Variants in CNTLN observed in about 807,000 individuals in gnomAD.
CNTLN encodes centlein, centrosomal protein.
CNTLN carries 212 observed loss-of-function variants against 180.0 expected under a neutral mutation model. That is an observed-to-expected ratio of 1.18 (90% confidence interval 1.05 to 1.32). The LOEUF (loss-of-function observed/expected upper bound fraction) is 1.32, where lower values mean the gene tolerates loss of function less well. Among genes scored for constraint, CNTLN ranks in the 40% most tolerant of loss-of-function variants. The pLI is 0.00. For missense variants in CNTLN, 2,095 were observed against 1,610.9 expected (o/e 1.30, Z -5.14); for synonymous variants, 722 against 563.1 (o/e 1.28, Z -3.99).
rs1828372950 is a variant in CNTLN at position 17,277,300 on chromosome 9, T to C, written c.983+3434T>C. Among the ~76,000 whole-genome samples the C allele has an allele frequency of 5.3e-5, 8 of 152,036 alleles. 1 individual carries two copies. The highest frequency in any genetic ancestry group is 5.2e-4 in the Admixed American group (8 of 15,250). ...GGGTAGAACCATTACCTAATGGTTC[T>C]ACAATTGAGATGAGAATTTTTGTTA... On this transcript the variant is annotated intron_variant, in intron 6 of 25. Coordinates refer to ENST00000380647, the MANE Select transcript of CNTLN (RefSeq NM_017738.4).
intron 2 of CNTLN, among the ~76,000 whole-genome samples, chr9:17,152,436 G>C (rs1170681191): frequency 1.3e-5 from 2 of 152,160 alleles, no homozygotes; most frequent in Non-Finnish European, 2.9e-5. Flanking sequence ...TCATTCAGGA[G>C]CAGGTTGTTC....
At chr9:17,470,916 G>A (rs1371250977) in intron 23 of CNTLN, among the ~76,000 whole-genome samples, 1 of 151,978 alleles carries the variant, frequency 6.6e-6, no homozygotes, top group East Asian at 1.9e-4. Flanking sequence ...GAATACATTT[G>A]TGGAGCATTA....
chr9:17,434,838 A>G (rs1829666690), intron 18 of CNTLN, among the ~76,000 whole-genome samples: 1 of 152,172 alleles, frequency 6.6e-6, no homozygotes, highest in Non-Finnish European at 1.5e-5. Context: ...CTTTAAGAAA[A>G]AAAAAAAGTT....
At chr9:17,422,927 C>CTG (rs1828819644) in intron 18 of CNTLN, among the ~76,000 whole-genome samples, 1 of 152,158 alleles carries the variant, frequency 6.6e-6, no homozygotes, top group Non-Finnish European at 1.5e-5. Context: ...AGCCACAAAT[C>CTG]CGCTAGGGGA....
At chr9:17,492,022 C>T (rs776430068) in intron 25 of CNTLN, among the ~76,000 whole-genome samples, 1 of 152,084 alleles carries the variant, frequency 6.6e-6, no homozygotes, top group Non-Finnish European at 1.5e-5. Flanking sequence ...CATACTCACT[C>T]ACTCACTCTG....
At position 17,301,400 on chromosome 9, in the gene CNTLN, G is replaced by A. The variant is rs540750837; in HGVS notation, c.1146+3048G>A. 7 of 985,280 alleles carry A rather than the reference G, an allele frequency of 7.1e-6. No individual in the cohort carries two copies. In the South Asian group the frequency reaches 2.8e-4, roughly 40 times the overall value. The allele number at this position is 985,280 out of a possible 1,614,324, so 61.0% of individuals were successfully genotyped here. A position where few individuals can be genotyped will look rare whatever the true frequency, so the allele number is the denominator to read the frequency against. On this transcript the variant is annotated intron_variant, in intron 7 of 25. Transcript: ENST00000380647. The stretch of plus-strand genomic sequence containing the variant: ...ATGTTGTGTTTGTGAATGATATTGA[G>A]GCAGAATAAAAATAAAAGAGAACAA...
At chr9:17,506,689 G>A (rs1055693460), downstream of CNTLN, among the ~76,000 whole-genome samples, 3 of 151,562 alleles carry the variant, frequency 2.0e-5, no homozygotes, top group African/African-American at 7.3e-5. Context: ...TAAATTTGTA[G>A]CCACAACAAG....
At chr9:17,464,710 G>C (rs982765917) in intron 21 of CNTLN, 87 bp downstream of exon 21, 35 of 832,968 alleles carry the variant, frequency 4.2e-5, no homozygotes, top group Non-Finnish European at 6.1e-5. Flanking sequence ...CCTAATAAAT[G>C]TATAGAAAAT....
chr9:17,277,058 GATGGT>G (rs1828357833), intron 6 of CNTLN, among the ~76,000 whole-genome samples: 1 of 136,494 alleles, frequency 7.3e-6, no homozygotes, highest in Non-Finnish European at 1.6e-5. Context: ...ACTTTTACCT[GATGGT>G]AATGATGGAG....
the CNTLN span, among the ~76,000 whole-genome samples, chr9:17,524,515 T>G: frequency 6.6e-6 from 1 of 152,340 alleles, no homozygotes; most frequent in East Asian, 1.9e-4. Context: ...AATGTTAATC[T>G]CATCCAGAAA....
chr9:17,312,367 T>TATATATATATATATATATATATA (rs1819230745), intron 8 of CNTLN, among the ~76,000 whole-genome samples: 12 of 10,968 alleles, frequency 1.1e-3, no homozygotes, highest in African/African-American at 2.4e-3. Context: ...ATATATATTA[T>TATATATATATATATATATATATA]ATATATATAT....
intron 2 of CNTLN, among the ~76,000 whole-genome samples, chr9:17,193,447 A>C (rs1031900188): frequency 2.6e-5 from 4 of 152,150 alleles, no homozygotes; most frequent in Non-Finnish European, 4.4e-5. Context: ...AATTGGCCAA[A>C]ACAAAGGGGT....
intron 15 of CNTLN, among the ~76,000 whole-genome samples, chr9:17,398,882 G>T (rs565321120): frequency 6.6e-6 from 1 of 152,074 alleles, no homozygotes; most frequent in Non-Finnish European, 1.5e-5. Flanking sequence ...CTTATCTCCC[G>T]CTAAAAGCAG....
At chr9:17,313,952 T>G (rs1819377201) in intron 8 of CNTLN, among the ~76,000 whole-genome samples, 1 of 152,154 alleles carries the variant, frequency 6.6e-6, no homozygotes, top group Non-Finnish European at 1.5e-5. Context: ...CCGGCTGGTC[T>G]CAAACTCCTG....
At chr9:17,451,528 T>C (rs1830775096) in intron 18 of CNTLN, among the ~76,000 whole-genome samples, 2 of 152,240 alleles carry the variant, frequency 1.3e-5, no homozygotes, top group African/African-American at 4.8e-5. Flanking sequence ...AAGCCCTTTG[T>C]CTTTCAAAAT....
chr9:17,163,178 G>A (rs772531441), intron 2 of CNTLN, among the ~76,000 whole-genome samples: 10 of 152,098 alleles, frequency 6.6e-5, no homozygotes, highest in Non-Finnish European at 1.0e-4. Context: ...TGGGGTTGAG[G>A]GGCTAAGATT....
chr9:17,384,563 T>A (rs1046916798), intron 13 of CNTLN, among the ~76,000 whole-genome samples: 2 of 152,156 alleles, frequency 1.3e-5, no homozygotes, highest in Non-Finnish European at 2.9e-5. Flanking sequence ...GAAACAGGAT[T>A]TATTTCTTGC....
intron 6 of CNTLN, among the ~76,000 whole-genome samples, chr9:17,295,659 A>C (rs943576626): frequency 6.6e-6 from 1 of 151,146 alleles, no homozygotes; most frequent in South Asian, 2.1e-4. Flanking sequence ...TTCTTTACTT[A>C]TTTTCAAATG....
chr9:17,331,960 T>G lies in CNTLN; in HGVS notation c.1519-645T>G, dbSNP rs78268512. ...GAGAGGGGTATTATGGCCAAAATTT[T>G]CTTTCTTTTTGTAAGGCCATGCAGT... On this transcript the variant is annotated intron_variant, in intron 9 of 25. Coordinates refer to ENST00000380647, the MANE Select transcript of CNTLN (RefSeq NM_017738.4). Among the ~76,000 whole-genome samples the G allele has an allele frequency of 2.0e-5, 3 of 152,204 alleles. No individual in the cohort carries two copies. The East Asian group carries it at 5.8e-4, about 29-fold the overall frequency.
Sources: gnomAD v4.1 joint callset for allele counts (sites outside exome capture counted in the v4.1 genomes callset) on GRCh38, gnomAD v4.1.1 for gene constraint, MANE v1.5 for transcripts, NCBI Gene and HGNC (gene_info 2026-07-23, HGNC 2026-07-21) for gene names.